Variants in NKAIN2 observed in about 807,000 individuals in gnomAD.
NKAIN2 encodes the protein sodium/potassium transporting ATPase interacting 2.
NKAIN2 carries 14 observed loss-of-function variants against 32.6 expected under a neutral mutation model. That is an observed-to-expected ratio of 0.43 (90% CI 0.28 to 0.67). The LOEUF is 0.67. Among genes scored for constraint, NKAIN2 ranks in the 30% least tolerant of loss-of-function variants. The pLI, the probability that NKAIN2 is intolerant of heterozygous loss-of-function variation, is 0.17. For missense variants in NKAIN2, 198 were observed against 258.3 expected (o/e 0.77, Z 1.60); for synonymous variants, 80 against 87.2 (o/e 0.92, Z 0.46).
At chr6:124,120,326 T>C (rs1426479719) in intron 1 of NKAIN2, among the ~76,000 whole-genome samples, 1 of 152,196 alleles carries the variant, frequency 6.6e-6, no homozygotes. Context: ...ATCCCAGATA[T>C]ATTTGTTGCA....
At chr6:124,442,348 T>A (rs1364075412) in intron 3 of NKAIN2, among the ~76,000 whole-genome samples, 1 of 117,884 alleles carries the variant, frequency 8.5e-6, no homozygotes, top group Admixed American at 9.1e-5. Flanking sequence ...AGCAGAGCTG[T>A]AAAGTCATCA....
chr6:124,749,231 G>T (rs1777597738), intron 4 of NKAIN2, among the ~76,000 whole-genome samples: 1 of 151,688 alleles, frequency 6.6e-6, no homozygotes, highest in South Asian at 2.1e-4. Context: ...TTCTCATGAT[G>T]AATCTCTCTG....
At chr6:124,332,309 A>G (rs548219088) in intron 2 of NKAIN2, among the ~76,000 whole-genome samples, 82 of 152,234 alleles carry the variant, frequency 5.4e-4, no homozygotes, top group African/African-American at 1.9e-3. Flanking sequence ...ATAGTGAAAC[A>G]TAACTATCCA....
intron 4 of NKAIN2, among the ~76,000 whole-genome samples, chr6:124,676,243 CAT>C (rs753149060): frequency 3.4e-4 from 52 of 152,158 alleles, no homozygotes; most frequent in Middle Eastern, 3.4e-3. Flanking sequence ...TGTGACCTAA[CAT>C]GTGATTCATT....
chr6:124,670,902 G>A (rs143745991), intron 4 of NKAIN2, among the ~76,000 whole-genome samples: 312 of 152,146 alleles, frequency 2.1e-3, no homozygotes, highest in African/African-American at 7.2e-3. Flanking sequence ...ACCTGTGCCT[G>A]TTATTTGGGC....
chr6:124,195,270 T>C (rs533831510), intron 1 of NKAIN2, among the ~76,000 whole-genome samples: 1 of 152,154 alleles, frequency 6.6e-6, no homozygotes, highest in South Asian at 2.1e-4. Context: ...TCATTAAAAC[T>C]ACATCAATTT....
chr6:123,938,421 T>TATA (rs1776636530), intron 1 of NKAIN2, among the ~76,000 whole-genome samples: 1 of 40,932 alleles, frequency 2.4e-5, no homozygotes, highest in African/African-American at 1.6e-4. Context: ...TATATATATA[T>TATA]ATATATATAT....
intron 1 of NKAIN2, chr6:124,121,878 G>A (rs1158785275): frequency 3.3e-6 from 4 of 1,210,082 alleles, no homozygotes; most frequent in South Asian, 2.6e-5. Flanking sequence ...ATATTTACAG[G>A]TACTGAAGAT....
intron 2 of NKAIN2, among the ~76,000 whole-genome samples, chr6:124,333,597 T>C (rs1797750842): frequency 6.6e-6 from 1 of 151,784 alleles, no homozygotes; most frequent in Non-Finnish European, 1.5e-5. Context: ...GAGGCGGAGG[T>C]TGCAGTGAGC....
At chr6:124,311,747 G>T (rs1316311126) in intron 2 of NKAIN2, among the ~76,000 whole-genome samples, 1 of 152,148 alleles carries the variant, frequency 6.6e-6, no homozygotes, top group Non-Finnish European at 1.5e-5. Context: ...GTCACAACAT[G>T]TTCACTAGTG....
At chr6:123,806,119 A>T (rs933209706) in intron 1 of NKAIN2, among the ~76,000 whole-genome samples, 18 of 152,274 alleles carry the variant, frequency 1.2e-4, no homozygotes, top group African/African-American at 4.3e-4. Context: ...TCTTGAGTAC[A>T]TGCATGCATC....
Position 124,501,710 on chromosome 6 carries a change from G to C in NKAIN2, c.273+146363G>C, listed in dbSNP as rs1778298157. 3.9e-5 allele frequency among the ~76,000 whole-genome samples: 6 copies of C among 152,000 alleles called. No individual in the cohort carries two copies. The South Asian group carries it at 1.2e-3, about 32-fold the overall frequency. ...TCCAACTTCCTTGATACATTATAGAGCCCTGACCCACCTTCGCCTCTCTAG... is the reference window on the plus strand; with the variant it reads ...TCCAACTTCCTTGATACATTATAGACCCCTGACCCACCTTCGCCTCTCTAG... On this transcript the variant is annotated intron_variant, in intron 3 of 6. Transcript: ENST00000368417.
At chr6:124,252,650 T>C (rs1396216463) in intron 1 of NKAIN2, among the ~76,000 whole-genome samples, 3 of 152,154 alleles carry the variant, frequency 2.0e-5, no homozygotes, top group Non-Finnish European at 4.4e-5. Flanking sequence ...TAGACATTAG[T>C]TAAAGTATAT....
At chr6:124,479,167 T>C (rs1777348682) in intron 3 of NKAIN2, among the ~76,000 whole-genome samples, 1 of 152,064 alleles carries the variant, frequency 6.6e-6, no homozygotes, top group Admixed American at 6.6e-5. Context: ...CCTGGGGAGA[T>C]AGGACAACTA....
intron 1 of NKAIN2, among the ~76,000 whole-genome samples, chr6:123,837,443 C>A (rs1774677859): frequency 2.6e-5 from 4 of 152,100 alleles, no homozygotes; most frequent in Admixed American, 2.6e-4. Context: ...CTTCCACCCA[C>A]ATTTAATCTA....
At position 123,935,449 on chromosome 6, in the gene NKAIN2, C is replaced by CT. The variant is rs552817710; in HGVS notation, c.54+131203dup. On this transcript the variant is annotated intron_variant, in intron 1 of 6. Transcript: ENST00000368417. ...TACAATACATTAATTAACATCATCACTTTTTTTTATAAACTATCAGTATAT... is the reference window on the plus strand; with the variant it reads ...TACAATACATTAATTAACATCATCACTTTTTTTTTATAAACTATCAGTATAT... Among the ~76,000 whole-genome samples the CT allele has an allele frequency of 1.1e-3, 163 of 151,512 alleles. 1 individual carries two copies. Among genetic ancestry groups the CT allele is most frequent in the African/African-American group, 3.6e-3 (151 of 41,404 alleles).
chr6:124,787,179 A>C lies in NKAIN2; in HGVS notation c.475-4160A>C, dbSNP rs138851427. ...AGCCTTAAAGAATGAATTAGTGTCC[A>C]TTAGTTGTTTTTCCTGATGGATATT... On this transcript the variant is annotated intron_variant, in intron 4 of 6. Coordinates refer to ENST00000368417, the MANE Select transcript of NKAIN2 (RefSeq NM_001040214.3). Among the ~76,000 whole-genome samples, 474 of 152,248 alleles carry C rather than the reference A, an allele frequency of 3.1e-3. 3 individuals carry two copies. The highest frequency in any genetic ancestry group is 0.011 in the African/African-American group (456 of 41,556).
At chr6:124,546,311 T>A (rs1780092274) in intron 3 of NKAIN2, among the ~76,000 whole-genome samples, 1 of 152,088 alleles carries the variant, frequency 6.6e-6, no homozygotes, top group South Asian at 2.1e-4. Context: ...GCTGGTGACA[T>A]GCTCCATGCA....
At chr6:124,360,950 A>T (rs1042225067) in intron 3 of NKAIN2, among the ~76,000 whole-genome samples, 1 of 152,150 alleles carries the variant, frequency 6.6e-6, no homozygotes, top group Non-Finnish European at 1.5e-5. Context: ...AGTTTTGACA[A>T]TTCCTCATAT....
Sources: allele counts gnomAD v4.1 joint callset (sites outside exome capture counted in the v4.1 genomes callset), GRCh38; gene constraint gnomAD v4.1.1; transcripts MANE v1.5; gene names NCBI Gene and HGNC (gene_info 2026-07-23, HGNC 2026-07-21).